Variants in PPFIA2 observed in about 807,000 individuals in gnomAD.
PPFIA2 encodes liprin-alpha-2.
Under a neutral mutation model 175.5 loss-of-function variants are expected in PPFIA2, and 46 were observed. That is an observed-to-expected ratio of 0.26 (90% CI 0.21 to 0.34). The LOEUF (loss-of-function observed/expected upper bound fraction) is 0.34. PPFIA2 is among the 10% of genes least tolerant of loss of function. The pLI, the probability that PPFIA2 is intolerant of heterozygous loss-of-function variation, is 1.00. For missense variants in PPFIA2, 1,179 were observed against 1,506.1 expected, an observed-to-expected ratio of 0.78 and a Z score of 3.60; for synonymous variants, 568 against 511.4, an observed-to-expected ratio of 1.11 and a Z score of -1.49.
intron 4 of PPFIA2, among the ~76,000 whole-genome samples, chr12:81,463,154 A>G (rs2054961487): frequency 6.6e-6 from 1 of 152,120 alleles, no homozygotes; most frequent in East Asian, 1.9e-4. Context: ...TGCAAAGGGA[A>G]GAATAAACAG....
intron 4 of PPFIA2, among the ~76,000 whole-genome samples, chr12:81,561,525 AC>A (rs1208411967): frequency 3.9e-5 from 6 of 152,146 alleles, no homozygotes; most frequent in Non-Finnish European, 5.9e-5. Context: ...CCCAAAAAAA[AC>A]GTTAAGCAAA....
chr12:81,583,009 C>CA (rs113057570), intron 4 of PPFIA2, among the ~76,000 whole-genome samples: 3 of 151,994 alleles, frequency 2.0e-5, no homozygotes, highest in African/African-American at 7.2e-5. Context: ...GTCAGTTCAA[C>CA]ATTACTCATT....
At chr12:81,267,552 C>T (rs2136278979) in intron 29 of PPFIA2, among the ~76,000 whole-genome samples, 1 of 152,186 alleles carries the variant, frequency 6.6e-6, no homozygotes, top group Middle Eastern at 3.4e-3. Context: ...TTGGGAATCA[C>T]TGACATATCC....
At chr12:81,400,916 T>A (rs1432862342) in intron 8 of PPFIA2, among the ~76,000 whole-genome samples, 1 of 152,168 alleles carries the variant, frequency 6.6e-6, no homozygotes, top group South Asian at 2.1e-4. Flanking sequence ...GAAGAACTAG[T>A]GTCTCAGTCA....
At chr12:81,359,209 T>A (rs574908176) in intron 15 of PPFIA2, among the ~76,000 whole-genome samples, 1 of 152,166 alleles carries the variant, frequency 6.6e-6, no homozygotes, top group East Asian at 1.9e-4. Context: ...TTTCAGTTAT[T>A]CTTGTGAACA....
At chr12:81,336,586 C>G (rs984608847) in intron 21 of PPFIA2, among the ~76,000 whole-genome samples, 1 of 152,148 alleles carries the variant, frequency 6.6e-6, no homozygotes, top group Non-Finnish European at 1.5e-5. Context: ...ACCAAGGAAA[C>G]ATTTTCATAG....
rs137959534 is a variant in PPFIA2 at position 81,322,746 on chromosome 12, AAAC to A, written c.2642+3028_2642+3030del. Among the ~76,000 whole-genome samples the A allele has an allele frequency of 2.9e-3, 434 of 152,278 alleles. 3 individuals carry two copies. Among genetic ancestry groups the A allele is most frequent in the African/African-American group, 1.0e-2 (414 of 41,562 alleles). The stretch of plus-strand genomic sequence containing the variant: ...GCCGAGGTTACGTGTTACTCTGATG[AAAC>A]AACAACAGCAACTGTTTAATAATTA... On this transcript the variant is annotated intron_variant, in intron 22 of 32. Coordinates refer to ENST00000549396, the MANE Select transcript of PPFIA2 (RefSeq NM_003625.5).
chr12:81,669,863 G>A (rs2071083840), intron 4 of PPFIA2, among the ~76,000 whole-genome samples: 1 of 151,908 alleles, frequency 6.6e-6, no homozygotes, highest in Non-Finnish European at 1.5e-5. Context: ...TATTGTGATG[G>A]GAAGCTAACA....
intron 4 of PPFIA2, among the ~76,000 whole-genome samples, chr12:81,674,197 C>A (rs1258263324): frequency 6.6e-6 from 1 of 152,014 alleles, no homozygotes; most frequent in Admixed American, 6.6e-5. Context: ...ATTTCTATTA[C>A]ACTGGCAAAG....
chr12:81,373,733 G>C (rs888218003), intron 11 of PPFIA2, among the ~76,000 whole-genome samples: 1 of 152,008 alleles, frequency 6.6e-6, no homozygotes, highest in Non-Finnish European at 1.5e-5. Flanking sequence ...AGATGTGTGT[G>C]TCTACTTCAT....
intron 16 of PPFIA2, among the ~76,000 whole-genome samples, chr12:81,354,077 T>C (rs1214303548): frequency 2.6e-5 from 4 of 152,194 alleles, no homozygotes; most frequent in African/African-American, 7.2e-5. Context: ...TTCAGTGAGT[T>C]TTAATCTTTT....
intron 3 of PPFIA2, among the ~76,000 whole-genome samples, chr12:81,738,068 A>G (rs2081858584): frequency 6.6e-6 from 1 of 151,880 alleles, no homozygotes; most frequent in Non-Finnish European, 1.5e-5. Context: ...AGTACATTAT[A>G]GTAAAACTTC....
intron 21 of PPFIA2, among the ~76,000 whole-genome samples, chr12:81,326,931 A>G (rs899675021): frequency 6.6e-6 from 1 of 152,106 alleles, no homozygotes; most frequent in Admixed American, 6.6e-5. Flanking sequence ...ATTGAAGACA[A>G]CTTTTGCTCT....
At chr12:81,470,596 G>T (rs2056557256) in intron 4 of PPFIA2, among the ~76,000 whole-genome samples, 1 of 152,112 alleles carries the variant, frequency 6.6e-6, no homozygotes, top group African/African-American at 2.4e-5. Context: ...GAAAACATAT[G>T]TCCACACAGA....
At chr12:81,480,569 T>C (rs922411536) in intron 4 of PPFIA2, among the ~76,000 whole-genome samples, 2 of 152,190 alleles carry the variant, frequency 1.3e-5, no homozygotes, top group Non-Finnish European at 2.9e-5. Flanking sequence ...GTCTTTGATG[T>C]TGGTGACCTT....
At chr12:81,509,334 C>T (rs1008989959) in intron 4 of PPFIA2, among the ~76,000 whole-genome samples, 36 of 152,090 alleles carry the variant, frequency 2.4e-4, no homozygotes, top group African/African-American at 8.7e-4. Flanking sequence ...ATCTTGATGA[C>T]AAAAGACCTT....
intron 17 of PPFIA2, among the ~76,000 whole-genome samples, chr12:81,351,389 T>C (rs891323525): frequency 6.6e-5 from 10 of 152,106 alleles, no homozygotes; most frequent in Non-Finnish European, 1.3e-4. Flanking sequence ...TTCGCACATA[T>C]GTCCCCAAAA....
intron 4 of PPFIA2, among the ~76,000 whole-genome samples, chr12:81,520,499 C>T (rs1194641828): frequency 6.6e-6 from 1 of 152,222 alleles, no homozygotes; most frequent in African/African-American, 2.4e-5. Flanking sequence ...GTACTTGTAA[C>T]TCACAAAGTA....
intron 4 of PPFIA2, among the ~76,000 whole-genome samples, chr12:81,467,330 A>G (rs2055857670): frequency 6.6e-6 from 1 of 152,192 alleles, no homozygotes; most frequent in African/African-American, 2.4e-5. Context: ...ATGTTAATGT[A>G]TATAAGGGTA....
Sources: allele counts gnomAD v4.1 joint callset (sites outside exome capture counted in the v4.1 genomes callset), GRCh38; gene constraint gnomAD v4.1.1; transcripts MANE v1.5; gene names NCBI Gene and HGNC (gene_info 2026-07-23, HGNC 2026-07-21).